Variants in DMRT1 observed in about 807,000 individuals in gnomAD.
The protein encoded by DMRT1 is doublesex- and mab-3-related transcription factor 1.
Under a neutral mutation model 32.3 loss-of-function variants are expected in DMRT1, and 7 were observed. The observed-to-expected ratio is 0.22, with a 90% CI of 0.12 to 0.41. DMRT1 has a LOEUF of 0.41. Among genes scored for constraint, DMRT1 ranks in the 10% least tolerant of loss-of-function variants. The pLI is 1.00. For synonymous variants in DMRT1, 278 were observed against 206.1 expected (o/e 1.35, Z -2.99); for missense variants, 625 against 500.5 (o/e 1.25, Z -2.37).
At chr9:844,082 G>C (rs1207512100) in intron 1 of DMRT1, among the ~76,000 whole-genome samples, 1 of 151,996 alleles carries the variant, frequency 6.6e-6, no homozygotes, top group Non-Finnish European at 1.5e-5. Context: ...ATGCTTGGGG[G>C]ATTTCTCAAA....
At chr9:920,674 C>T (rs1818324613) in intron 4 of DMRT1, among the ~76,000 whole-genome samples, 1 of 152,104 alleles carries the variant, frequency 6.6e-6, no homozygotes, top group East Asian at 1.9e-4. Flanking sequence ...GGCCTTGGCT[C>T]CTTCTTTAAA....
chr9:843,547 T>G (rs1453311262), intron 1 of DMRT1, among the ~76,000 whole-genome samples: 1 of 152,240 alleles, frequency 6.6e-6, no homozygotes, highest in African/African-American at 2.4e-5. Context: ...TGGTTTTGTT[T>G]TTTTGAAGGT....
At chr9:860,321 T>G (rs752019631) in intron 2 of DMRT1, among the ~76,000 whole-genome samples, 1 of 152,030 alleles carries the variant, frequency 6.6e-6, no homozygotes, top group Non-Finnish European at 1.5e-5. Flanking sequence ...ACATAAAAAG[T>G]AAAATAAAAT....
At chr9:883,500 CA>C (rs1210062412) in intron 2 of DMRT1, among the ~76,000 whole-genome samples, 1 of 151,816 alleles carries the variant, frequency 6.6e-6, no homozygotes, top group Non-Finnish European at 1.5e-5. Flanking sequence ...CCCCGACCCC[CA>C]AAAGGAGAGC....
In DMRT1 at chr9:884,351, C is replaced by T. The variant is rs75149312; in HGVS notation, c.539-9561C>T. On this transcript the variant is annotated intron_variant, in intron 2 of 4. Transcript: ENST00000382276. ...CCTCATGAAGGAGTGAATCATATTT[C>T]ACACTGCATGTTAGTGCAAAAAAAA... Among the ~76,000 whole-genome samples, 85 of 137,292 alleles carry T rather than the reference C, an allele frequency of 6.2e-4. 1 individual carries two copies. In the East Asian group the frequency reaches 0.013, roughly 22 times the overall value. The allele number at this position is 137,292 out of a possible 152,430, so 90.1% of individuals were successfully genotyped here.
At position 842,205 on chromosome 9, in the gene DMRT1, G is replaced by A; in HGVS notation, c.354+13G>A. The stretch of plus-strand genomic sequence containing the variant: ...GATGGCCGCGCAGGTGGGTGCGGGC[G>A]TGCGGGAGCCCGGGTTCAGCCTTAG... On this transcript the variant is annotated intron_variant, in intron 1 of 4. Coordinates refer to ENST00000382276, the MANE Select transcript of DMRT1 (RefSeq NM_021951.3). 1 of 1,534,370 alleles carries A rather than the reference G, an allele frequency of 6.5e-7. No homozygotes were observed. Among genetic ancestry groups the A allele is most frequent in the Non-Finnish European group, 8.7e-7 (1 of 1,146,902 alleles).
At chr9:883,790 A>G (rs1343215209) in intron 2 of DMRT1, among the ~76,000 whole-genome samples, 4 of 112,436 alleles carry the variant, frequency 3.6e-5, no homozygotes, top group Non-Finnish European at 6.9e-5. Flanking sequence ...CCTGTTTCTT[A>G]AAAAAAAAAA....
chr9:898,884 A>G (rs575088027), intron 3 of DMRT1, among the ~76,000 whole-genome samples: 2 of 152,202 alleles, frequency 1.3e-5, no homozygotes, highest in Non-Finnish European at 2.9e-5. Flanking sequence ...CATTTTAGCC[A>G]TATTAATTCT....
rs1554760904 is a variant in DMRT1, at chr9:941,339, C to CAA, written c.967+24433_967+24434insAA. 6.6e-3 allele frequency among the ~76,000 whole-genome samples: 579 copies of CAA among 88,256 alleles called. 6 individuals are homozygous for CAA. Among genetic ancestry groups the CAA allele is most frequent in the African/African-American group, 0.047 (551 of 11,618 alleles). The allele number at this position is 88,256 out of a possible 152,430, so 57.9% of individuals were successfully genotyped here. Reference sequence around the variant, plus strand: ...CGCACACACACCCCCTCCCCCCCCCCACACATATGCAATGGAATATTAAAG... The same window carrying CAA: ...CGCACACACACCCCCTCCCCCCCCCCAAACACATATGCAATGGAATATTAAAG... On this transcript the variant is annotated intron_variant, in intron 4 of 4. Transcript: ENST00000382276.
At chr9:855,108 A>T (rs1815342217) in intron 2 of DMRT1, among the ~76,000 whole-genome samples, 1 of 151,940 alleles carries the variant, frequency 6.6e-6, no homozygotes, top group Non-Finnish European at 1.5e-5. Context: ...ATAGTGTCTC[A>T]ATTTTGTTTA....
chr9:847,131 A>G lies in DMRT1; in HGVS notation c.526A>G (p.Thr176Ala), dbSNP rs755847957. Residue 176 changes from threonine to alanine, a missense_variant, in exon 2 of 5, where the codon ACT (threonine) becomes GCT (alanine). Around this residue, in one of 3 missense-constraint regions of DMRT1, gnomAD observed 416 missense variants for 321.6 expected, o/e 1.29. Coordinates refer to ENST00000382276, the MANE Select transcript of DMRT1 (RefSeq NM_021951.3). Reference sequence around the variant, plus strand: ...GCCACCGCCGGCCAGTGTCCCCACCACTGCAGCTTCAGGTAATCTGGAGGG... The same window carrying G: ...GCCACCGCCGGCCAGTGTCCCCACCGCTGCAGCTTCAGGTAATCTGGAGGG... Reference protein sequence around the residue: ...SQPPPASVPTTAASEGRMVIQ... With the variant: ...SQPPPASVPTAAASEGRMVIQ... 1.2e-6 allele frequency: 2 copies of G among 1,612,906 alleles called. No individual in the cohort carries two copies. Among genetic ancestry groups the G allele is most frequent in the South Asian group, 1.1e-5 (1 of 91,030 alleles).
intron 4 of DMRT1, among the ~76,000 whole-genome samples, chr9:929,358 C>T (rs564634115): frequency 2.2e-4 from 34 of 152,222 alleles, no homozygotes; most frequent in African/African-American, 7.5e-4. Context: ...ACTCGAGCTC[C>T]TAGGCTCAAG....
chr9:941,338 C>CCCCCCCA (rs1554760857), intron 4 of DMRT1, among the ~76,000 whole-genome samples: 4 of 135,510 alleles, frequency 3.0e-5, no homozygotes, highest in African/African-American at 1.2e-4. Flanking sequence ...CTCCCCCCCC[C>CCCCCCCA]CACACATATG....
intron 3 of DMRT1, among the ~76,000 whole-genome samples, chr9:902,764 C>T (rs895989858): frequency 6.6e-6 from 1 of 152,144 alleles, no homozygotes; most frequent in Non-Finnish European, 1.5e-5. Flanking sequence ...GCTGGGATTA[C>T]AGGTGTGAGC....
chr9:908,415 A>T (rs1817855093), intron 3 of DMRT1, among the ~76,000 whole-genome samples: 1 of 152,152 alleles, frequency 6.6e-6, no homozygotes, highest in Non-Finnish European at 1.5e-5. Flanking sequence ...CTGCGATCAC[A>T]CCACTGTACT....
intron 4 of DMRT1, among the ~76,000 whole-genome samples, chr9:964,596 G>A (rs577682121): frequency 6.6e-6 from 1 of 152,170 alleles, no homozygotes; most frequent in Non-Finnish European, 1.5e-5. Flanking sequence ...ATGATTATAG[G>A]GTAGTATAAT....
At chr9:939,658 A>G (rs1482406215) in intron 4 of DMRT1, among the ~76,000 whole-genome samples, 1 of 152,222 alleles carries the variant, frequency 6.6e-6, no homozygotes, top group East Asian at 1.9e-4. Flanking sequence ...AGAGCATCAT[A>G]CAAAGTTATT....
chr9:955,166 G>A (rs1402439044), intron 4 of DMRT1, among the ~76,000 whole-genome samples: 1 of 152,184 alleles, frequency 6.6e-6, no homozygotes, highest in Non-Finnish European at 1.5e-5. Context: ...CCTGAGGACT[G>A]GGGAGGAGGG....
chr9:871,532 G>C (rs1477042912), intron 2 of DMRT1, among the ~76,000 whole-genome samples: 1 of 145,480 alleles, frequency 6.9e-6, no homozygotes, highest in South Asian at 2.2e-4. Context: ...TGGTAGAGAC[G>C]GGGTTTCACC....
Sources: allele counts gnomAD v4.1 joint callset (sites outside exome capture counted in the v4.1 genomes callset), GRCh38; gene constraint gnomAD v4.1.1; regional missense constraint gnomAD v4.1.1; transcripts MANE v1.5; gene names NCBI Gene and HGNC (gene_info 2026-07-23, HGNC 2026-07-21).